FOXO1: variants seen among roughly 807,000 people sequenced by gnomAD.
FOXO1 encodes forkhead box O1, also known as forkhead box protein O1.
A neutral mutation model predicts 44.1 loss-of-function variants in FOXO1; 6 were observed. The observed-to-expected ratio is 0.14, with a 90% CI of 0.07 to 0.27. FOXO1 has a LOEUF of 0.27. Ranked by LOEUF, FOXO1 falls within the 10% of genes least tolerant of loss-of-function variation. The pLI is 1.00. For missense variants in FOXO1, 737 were observed against 888.8 expected, an observed-to-expected ratio of 0.83 and a Z score of 2.17; for synonymous variants, 380 against 362.7, an observed-to-expected ratio of 1.05 and a Z score of -0.54.
At chr13:40,649,031 G>A (rs1877596644) in intron 1 of FOXO1, among the ~76,000 whole-genome samples, 1 of 152,184 alleles carries the variant, frequency 6.6e-6, no homozygotes, top group Non-Finnish European at 1.5e-5. Flanking sequence ...ACCTGAGAGA[G>A]CAGGGACGTC....
Position 40,665,635 on chromosome 13 carries a change from C to A in FOXO1, c.578G>T (p.Ser193Ile). 1 of 1,512,074 alleles carries A rather than the reference C, an allele frequency of 6.6e-7. No individual in the cohort carries two copies. The highest frequency in any genetic ancestry group is 8.9e-7 in the Non-Finnish European group (1 of 1,121,280). 93.7% of individuals were successfully genotyped at this position (1,512,074 alleles called of 1,614,324 possible). Residue 193 changes from serine (S) to isoleucine (I), a missense_variant, in exon 1 of 3, where the codon AGC (serine) becomes ATC (isoleucine). Physicochemically the swap from Ser to Ile is moderately radical, Grantham distance 142. Transcript: ENST00000379561. Reference sequence around the variant, plus strand: ...ACCCTTATCCTTGAAGTAGGGCACGCTCTTGACCATCCACTCGTAGATCTG... The same window carrying A: ...ACCCTTATCCTTGAAGTAGGGCACGATCTTGACCATCCACTCGTAGATCTG... ...LSQIYEWMVK[S>I]VPYFKDKGDS...
chr13:40,627,155 G>T (rs753955108), intron 1 of FOXO1, among the ~76,000 whole-genome samples: 17 of 151,952 alleles, frequency 1.1e-4, no homozygotes, highest in Non-Finnish European at 2.2e-4. Context: ...CCCAACCACG[G>T]CTTCCACCAA....
intron 1 of FOXO1, chr13:40,618,940 A>T (rs1876515043): frequency 3.8e-6 from 2 of 526,262 alleles, no homozygotes; most frequent in Non-Finnish European, 7.6e-6. Context: ...AAGAACTGCA[A>T]CAGTGGTTAG....
chr13:40,628,367 A>T (rs1481328616), intron 1 of FOXO1, among the ~76,000 whole-genome samples: 1 of 151,436 alleles, frequency 6.6e-6, no homozygotes, highest in Non-Finnish European at 1.5e-5. Context: ...ACACACACAC[A>T]CACACACACA....
intron 1 of FOXO1, among the ~76,000 whole-genome samples, chr13:40,566,023 G>C (rs1455678632): frequency 6.6e-6 from 1 of 152,172 alleles, no homozygotes; most frequent in Admixed American, 6.5e-5. Context: ...TCAGTGCCCT[G>C]GTCAGCCAAT....
In FOXO1 at chr13:40,558,634, G is replaced by A. The variant is rs925154335; in HGVS notation, c.*415C>T. ...GAGGCCCATCACAGTATTACAAAAA[G>A]AGTATAAACTTTCCTTGGACCAATT... On this transcript the variant is annotated 3_prime_UTR_variant, in exon 3 of 3. Coordinates refer to ENST00000379561, the MANE Select transcript of FOXO1 (RefSeq NM_002015.4). 7.7e-6 allele frequency: 3 copies of A among 388,832 alleles called. No homozygotes were observed. The highest frequency in any genetic ancestry group is 1.4e-5 in the Non-Finnish European group (3 of 220,328). 24.1% of individuals were successfully genotyped at this position (388,832 alleles called of 1,614,324 possible).
rs144514561 is a variant in FOXO1, at chr13:40,580,608, T to C, written c.631-19748A>G. ...AAGCACTTATAAATATTAGATATTATGGGCACAAAATCTCAAGCAAATGTC... is the reference window on the plus strand; with the variant it reads ...AAGCACTTATAAATATTAGATATTACGGGCACAAAATCTCAAGCAAATGTC... On this transcript the variant is annotated intron_variant, in intron 1 of 2. Transcript: ENST00000379561. Among the ~76,000 whole-genome samples the C allele has an allele frequency of 2.6e-5, 4 of 152,308 alleles. No homozygotes were observed. In the East Asian group the frequency reaches 5.8e-4, roughly 22 times the overall value.
chr13:40,626,532 C>A (rs1876790921), intron 1 of FOXO1, among the ~76,000 whole-genome samples: 3 of 152,192 alleles, frequency 2.0e-5, no homozygotes, highest in Admixed American at 2.0e-4. Flanking sequence ...CCTAAATTTT[C>A]TTTCCTATAT....
At chr13:40,609,396 C>T (rs1052759354) in intron 1 of FOXO1, among the ~76,000 whole-genome samples, 2 of 152,066 alleles carry the variant, frequency 1.3e-5, no homozygotes, top group South Asian at 2.1e-4. Context: ...TCAGTCTACA[C>T]TGTATTAATA....
intron 1 of FOXO1, among the ~76,000 whole-genome samples, chr13:40,580,765 G>A (rs555514172): frequency 4.6e-5 from 7 of 152,114 alleles, no homozygotes; most frequent in East Asian, 1.9e-4. Flanking sequence ...CAATGTTTAC[G>A]CAATCACTAT....
At chr13:40,657,319 C>CTTTTTTTTTT (rs369503666) in intron 1 of FOXO1, among the ~76,000 whole-genome samples, 1 of 127,802 alleles carries the variant, frequency 7.8e-6, no homozygotes, top group Non-Finnish European at 1.6e-5. Flanking sequence ...CCTTTTTTTT[C>CTTTTTTTTTT]TTTTTTTTTT....
In FOXO1 at chr13:40,655,609, T is replaced by C. The variant is rs184032661; in HGVS notation, c.630+9974A>G. ...AAATGTCTGCTTCTATAGGGATAAA[T>C]ATATTAGTAAAATAGTTTTCTACAC... On this transcript the variant is annotated intron_variant, in intron 1 of 2. Transcript: ENST00000379561. Among the ~76,000 whole-genome samples, 31 of 150,922 alleles carry C rather than the reference T, an allele frequency of 2.1e-4. No homozygotes were observed. In the East Asian group the frequency reaches 5.3e-3, roughly 26 times the overall value.
Position 40,582,725 on chromosome 13 carries a change from C to T in FOXO1, c.631-21865G>A, listed in dbSNP as rs1875004994. On this transcript the variant is annotated intron_variant, in intron 1 of 2. Coordinates refer to ENST00000379561, the MANE Select transcript of FOXO1 (RefSeq NM_002015.4). Reference sequence around the variant, plus strand: ...AATTCAATCACATCTTCAGGCTCCACTTCTAATTCTAGTTCTTTTGATGTT... The same window carrying T: ...AATTCAATCACATCTTCAGGCTCCATTTCTAATTCTAGTTCTTTTGATGTT... Among the ~76,000 whole-genome samples, 4 of 152,338 alleles carry T rather than the reference C, an allele frequency of 2.6e-5. No individual in the cohort carries two copies. In the South Asian group the frequency reaches 8.3e-4, roughly 32 times the overall value.
intron 1 of FOXO1, chr13:40,619,904 A>G: frequency 2.9e-6 from 2 of 701,296 alleles, no homozygotes; most frequent in Non-Finnish European, 5.3e-6. Context: ...GGGGCTAGAT[A>G]TAATGTTACA....
At chr13:40,613,001 C>T (rs1177375917) in intron 1 of FOXO1, among the ~76,000 whole-genome samples, 1 of 152,130 alleles carries the variant, frequency 6.6e-6, no homozygotes, top group African/African-American at 2.4e-5. Context: ...ACTTTCCCTG[C>T]CCTCGTATTC....
chr13:40,635,510 T>C (rs912474828), intron 1 of FOXO1, among the ~76,000 whole-genome samples: 1 of 152,210 alleles, frequency 6.6e-6, no homozygotes, highest in African/African-American at 2.4e-5. Context: ...CAAAATATCA[T>C]CATCCTGGTC....
intron 1 of FOXO1, among the ~76,000 whole-genome samples, chr13:40,645,246 T>C (rs1197374530): frequency 2.0e-5 from 3 of 152,230 alleles, no homozygotes; most frequent in Non-Finnish European, 4.4e-5. Context: ...CCAGAAAAAC[T>C]GTTTCCCTCC....
chr13:40,626,140 G>A (rs1233698330), intron 1 of FOXO1, among the ~76,000 whole-genome samples: 1 of 151,972 alleles, frequency 6.6e-6, no homozygotes, highest in Non-Finnish European at 1.5e-5. Context: ...AAAACCTAAG[G>A]CTATTTAAGA....
chr13:40,558,840 C>G lies in FOXO1; in HGVS notation c.*209G>C, dbSNP rs1447863717. The stretch of plus-strand genomic sequence containing the variant: ...GTCCTTATCTACAGCAGCACATAAC[C>G]TGCACACATTGGGCAAACATCCTGT... On this transcript the variant is annotated 3_prime_UTR_variant, in exon 3 of 3. Coordinates refer to ENST00000379561, the MANE Select transcript of FOXO1 (RefSeq NM_002015.4). 7.5e-6 allele frequency: 3 copies of G among 398,752 alleles called. No homozygotes were observed. In the East Asian group the frequency reaches 1.1e-4, roughly 14 times the overall value. The allele number at this position is 398,752 out of a possible 1,614,324, so 24.7% of individuals were successfully genotyped here. A position where few individuals can be genotyped will look rare whatever the true frequency, so the allele number is the denominator to read the frequency against.
Sources: allele counts gnomAD v4.1 joint callset (sites outside exome capture counted in the v4.1 genomes callset), GRCh38; gene constraint gnomAD v4.1.1; transcripts MANE v1.5; gene names NCBI Gene and HGNC (gene_info 2026-07-23, HGNC 2026-07-21).